Variants in ARMH3 observed in about 807,000 individuals in gnomAD.
ARMH3 encodes the protein armadillo like helical domain containing 3, also known as armadillo-like helical domain-containing protein 3.
A neutral mutation model predicts 99.1 loss-of-function variants in ARMH3; 60 were observed. That is an observed-to-expected ratio of 0.61 (90% CI 0.49 to 0.75). ARMH3 has a LOEUF of 0.75. ARMH3 is among the 30% of genes least tolerant of loss of function. The pLI is 0.00. For missense variants in ARMH3, 679 were observed against 843.1 expected (o/e 0.81, Z 2.41); for synonymous variants, 285 against 292.8 (o/e 0.97, Z 0.27).
chr10:102,028,764 A>G (rs1331712522), intron 5 of ARMH3, among the ~76,000 whole-genome samples: 1 of 152,212 alleles, frequency 6.6e-6, no homozygotes, highest in Non-Finnish European at 1.5e-5. Flanking sequence ...AATGACTGCT[A>G]ATGGGTACAG....
chr10:101,897,436 G>C (rs1285649874), intron 23 of ARMH3, among the ~76,000 whole-genome samples: 1 of 152,204 alleles, frequency 6.6e-6, no homozygotes, highest in African/African-American at 2.4e-5. Context: ...GCTCAGACAT[G>C]AACAGCTGTC....
At chr10:101,904,129 G>A (rs2068044629) in intron 23 of ARMH3, among the ~76,000 whole-genome samples, 1 of 152,190 alleles carries the variant, frequency 6.6e-6, no homozygotes, top group Admixed American at 6.5e-5. Flanking sequence ...GACACTAAAT[G>A]GCTTGGCTTT....
intron 19 of ARMH3, among the ~76,000 whole-genome samples, chr10:101,989,394 C>T (rs193109373): frequency 6.6e-6 from 1 of 151,992 alleles, no homozygotes; most frequent in East Asian, 1.9e-4. Flanking sequence ...TATGATGATT[C>T]TGAGTTGCCT....
intron 1 of ARMH3, among the ~76,000 whole-genome samples, chr10:102,051,817 C>T (rs1438694446): frequency 6.6e-6 from 1 of 152,232 alleles, no homozygotes; most frequent in Non-Finnish European, 1.5e-5. Context: ...TCAGCATCTA[C>T]TCAGTTTGCC....
At chr10:101,878,423 C>T (rs1466621042) in intron 24 of ARMH3, among the ~76,000 whole-genome samples, 1 of 151,638 alleles carries the variant, frequency 6.6e-6, no homozygotes, top group Non-Finnish European at 1.5e-5. Flanking sequence ...CTGCTTGAGG[C>T]CAAAAGTTTG....
intron 24 of ARMH3, among the ~76,000 whole-genome samples, chr10:101,853,866 G>A (rs1282645343): frequency 6.6e-6 from 1 of 152,208 alleles, no homozygotes; most frequent in Admixed American, 6.5e-5. Flanking sequence ...TGTAATCCCA[G>A]CACTTTGGGA....
At chr10:102,055,039 A>G (rs1040419069) in intron 1 of ARMH3, among the ~76,000 whole-genome samples, 3 of 140,804 alleles carry the variant, frequency 2.1e-5, no homozygotes, top group Non-Finnish European at 4.6e-5. Flanking sequence ...AAAAAAAAAA[A>G]GGCCGGGCGC....
At position 101,847,620 on chromosome 10, in the gene ARMH3, C is replaced by G; in HGVS notation, c.1978G>C (p.Val660Leu). ...CGGACGTTGGTGCTAATGGATCGAA[C>G]CTGGGAAAGGGTAGTTGGGGAAGGT... ...HKEAAFFKEL[V>L]RSISTNVRRN... The change falls in exon 26 of 26, where the codon GTT (valine) becomes CTT (leucine). Residue 660 changes from valine to leucine, a missense_variant and splice_region_variant. Around this residue, in one of 3 missense-constraint regions of ARMH3, gnomAD observed 389 missense variants for 456.5 expected, o/e 0.85. Transcript: ENST00000370033. 6.2e-7 allele frequency: 1 copy of G among 1,613,992 alleles called. No homozygotes were observed. The highest frequency in any genetic ancestry group is 8.5e-7 in the Non-Finnish European group (1 of 1,179,942).
intron 24 of ARMH3, among the ~76,000 whole-genome samples, chr10:101,866,876 T>C (rs139163165): frequency 1.3e-5 from 2 of 152,204 alleles, no homozygotes; most frequent in East Asian, 1.9e-4. Context: ...ATCACTGAGA[T>C]AGCAAGACCC....
At chr10:101,894,725 C>T (rs944475125) in intron 23 of ARMH3, among the ~76,000 whole-genome samples, 2 of 152,100 alleles carry the variant, frequency 1.3e-5, no homozygotes, top group African/African-American at 4.8e-5. Context: ...TCTAACAGTA[C>T]TTCTCTCTCA....
intron 23 of ARMH3, among the ~76,000 whole-genome samples, chr10:101,905,202 T>G (rs2068074331): frequency 6.6e-6 from 1 of 152,138 alleles, no homozygotes; most frequent in Admixed American, 6.5e-5. Context: ...TTCTGTAGCT[T>G]AAGACCTCAG....
At chr10:101,869,328 A>G (rs2067080213) in intron 24 of ARMH3, among the ~76,000 whole-genome samples, 1 of 152,228 alleles carries the variant, frequency 6.6e-6, no homozygotes. Context: ...TCAAATGCAC[A>G]CAGAACATTC....
chr10:101,976,598 G>A (rs1055457653), intron 19 of ARMH3, among the ~76,000 whole-genome samples: 4 of 151,820 alleles, frequency 2.6e-5, no homozygotes, highest in African/African-American at 9.7e-5. Context: ...TACTCAAAGT[G>A]GTATAGTGAC....
At chr10:101,849,927 C>A (rs1192670549) in intron 24 of ARMH3, 35 bp from the exon 25 acceptor site, 10 of 1,586,074 alleles carry the variant, frequency 6.3e-6, no homozygotes, top group African/African-American at 1.3e-5. Flanking sequence ...GGGCTTAGGC[C>A]ATGCAAATCC....
rs947535703 is a variant in ARMH3, at chr10:101,928,605, G to A, written c.1781+11258C>T. On this transcript the variant is annotated intron_variant, in intron 23 of 25. Coordinates refer to ENST00000370033, the MANE Select transcript of ARMH3 (RefSeq NM_024541.3). The stretch of plus-strand genomic sequence containing the variant: ...GATCACTTGAGCCCCAGAGTTTGAG[G>A]CCGCAATGAGCTATGATTATGCCAC... Among the ~76,000 whole-genome samples the A allele has an allele frequency of 3.3e-5, 5 of 152,186 alleles. No individual in the cohort carries two copies. The East Asian group carries it at 5.8e-4, about 18-fold the overall frequency.
At chr10:102,046,343 A>T (rs903998761) in intron 1 of ARMH3, among the ~76,000 whole-genome samples, 1 of 148,722 alleles carries the variant, frequency 6.7e-6, no homozygotes, top group Admixed American at 6.7e-5. Context: ...AGAGAAAAAG[A>T]AAAAAAAAAG....
At chr10:101,912,238 C>T (rs903008802) in intron 23 of ARMH3, among the ~76,000 whole-genome samples, 6 of 151,498 alleles carry the variant, frequency 4.0e-5, no homozygotes, top group Non-Finnish European at 7.4e-5. Flanking sequence ...ACTAAAAATA[C>T]AAAAATTAGC....
At chr10:101,966,253 G>C (rs1308759628) in intron 20 of ARMH3, among the ~76,000 whole-genome samples, 1 of 139,160 alleles carries the variant, frequency 7.2e-6, no homozygotes, top group Non-Finnish European at 1.5e-5. Flanking sequence ...TTACAGGCAT[G>C]CACCACCACA....
At chr10:101,892,107 G>C (rs1006326002) in intron 23 of ARMH3, among the ~76,000 whole-genome samples, 2 of 151,330 alleles carry the variant, frequency 1.3e-5, no homozygotes, top group Admixed American at 1.3e-4. Flanking sequence ...GTGAAACCCT[G>C]TCTCCCCGCA....
Sources: allele counts gnomAD v4.1 joint callset (sites outside exome capture counted in the v4.1 genomes callset), GRCh38; gene constraint gnomAD v4.1.1; regional missense constraint gnomAD v4.1.1; transcripts MANE v1.5; gene names NCBI Gene and HGNC (gene_info 2026-07-23, HGNC 2026-07-21).